CNTN5: variants seen among roughly 807,000 people sequenced by gnomAD.
CNTN5 encodes the protein contactin-5.
A neutral mutation model predicts 129.1 loss-of-function variants in CNTN5; 77 were observed. That is an observed-to-expected ratio of 0.60 (90% CI 0.50 to 0.72). The LOEUF is 0.72. Among genes scored for constraint, CNTN5 ranks in the 30% least tolerant of loss-of-function variants. CNTN5 has a pLI of 0.00. For missense variants in CNTN5, 1,478 were observed against 1,328.8 expected (o/e 1.11, Z -1.75); for synonymous variants, 509 against 465.6 (o/e 1.09, Z -1.20).
intron 18 of CNTN5, among the ~76,000 whole-genome samples, chr11:100,295,687 T>C (rs959258332): frequency 6.6e-6 from 1 of 151,366 alleles, no homozygotes; most frequent in Non-Finnish European, 1.5e-5. Flanking sequence ...CCTTTTTTTT[T>C]AGATGATGTT....
chr11:99,839,175 G>T (rs527357345), intron 4 of CNTN5, among the ~76,000 whole-genome samples: 2 of 152,234 alleles, frequency 1.3e-5, no homozygotes, highest in Admixed American at 1.3e-4. Context: ...AGGAAAAAAG[G>T]CTTGAAAATA....
chr11:99,723,022 C>G (rs1372254626), intron 3 of CNTN5, among the ~76,000 whole-genome samples: 1 of 152,020 alleles, frequency 6.6e-6, no homozygotes, highest in Non-Finnish European at 1.5e-5. Context: ...CTCATGCACT[C>G]TAGTGTTTCA....
chr11:99,473,624 A>G (rs1431361353), intron 2 of CNTN5, among the ~76,000 whole-genome samples: 1 of 151,778 alleles, frequency 6.6e-6, no homozygotes, highest in Non-Finnish European at 1.5e-5. Context: ...TGTGTCCAAC[A>G]CTTTAAATTT....
intron 2 of CNTN5, among the ~76,000 whole-genome samples, chr11:99,551,039 T>C (rs1285998247): frequency 6.6e-6 from 1 of 152,114 alleles, no homozygotes; most frequent in African/African-American, 2.4e-5. Context: ...ATAAAAATAA[T>C]GAAAGCCTCC....
At chr11:99,963,706 T>A (rs1951014992) in intron 8 of CNTN5, among the ~76,000 whole-genome samples, 1 of 152,198 alleles carries the variant, frequency 6.6e-6, no homozygotes, top group Non-Finnish European at 1.5e-5. Context: ...AAGTAATTAG[T>A]AGCTTGATGG....
chr11:100,277,791 T>C (rs1016856463), intron 18 of CNTN5, among the ~76,000 whole-genome samples: 2 of 152,134 alleles, frequency 1.3e-5, no homozygotes, highest in Non-Finnish European at 2.9e-5. Context: ...GTTTACTGTT[T>C]CCTTTGCTGT....
intron 3 of CNTN5, among the ~76,000 whole-genome samples, chr11:99,748,053 C>G (rs1944113194): frequency 6.6e-6 from 1 of 152,106 alleles, no homozygotes; most frequent in African/African-American, 2.4e-5. Flanking sequence ...CATCCCAGGT[C>G]TAAATCCCAT....
intron 1 of CNTN5, among the ~76,000 whole-genome samples, chr11:99,030,249 T>G (rs1863304500): frequency 6.6e-6 from 1 of 152,196 alleles, no homozygotes; most frequent in South Asian, 2.1e-4. Flanking sequence ...ATTACTTCCT[T>G]CATATCTTTA....
At chr11:99,497,205 T>C (rs1946258662) in intron 2 of CNTN5, among the ~76,000 whole-genome samples, 1 of 152,192 alleles carries the variant, frequency 6.6e-6, no homozygotes, top group African/African-American at 2.4e-5. Context: ...GGGAAAAATA[T>C]TAACTTAATG....
intron 18 of CNTN5, among the ~76,000 whole-genome samples, chr11:100,294,241 T>C (rs1951057816): frequency 6.6e-6 from 1 of 151,818 alleles, no homozygotes; most frequent in Non-Finnish European, 1.5e-5. Flanking sequence ...TAAACGCTAA[T>C]TAAAGCATAT....
intron 8 of CNTN5, among the ~76,000 whole-genome samples, chr11:99,999,186 C>A (rs1021066909): frequency 1.3e-5 from 2 of 151,994 alleles, no homozygotes; most frequent in Non-Finnish European, 2.9e-5. Context: ...AGCTTCTGCA[C>A]AGCAAAAGAA....
chr11:99,403,178 T>A (rs947905935), intron 2 of CNTN5, among the ~76,000 whole-genome samples: 3 of 151,994 alleles, frequency 2.0e-5, no homozygotes, highest in Non-Finnish European at 4.4e-5. Context: ...GGCTAATTTT[T>A]TGTAGTAGAG....
chr11:99,038,678 T>C (rs1439289284), intron 1 of CNTN5, among the ~76,000 whole-genome samples: 1 of 152,050 alleles, frequency 6.6e-6, no homozygotes, highest in Non-Finnish European at 1.5e-5. Flanking sequence ...ACAAATACTT[T>C]TCATTTTTTA....
intron 1 of CNTN5, among the ~76,000 whole-genome samples, chr11:99,301,989 G>A (rs1388519651): frequency 6.6e-6 from 1 of 151,392 alleles, no homozygotes; most frequent in African/African-American, 2.4e-5. Flanking sequence ...GTGGGCCAAA[G>A]ACAAAAAGCT....
chr11:99,212,482 C>T (rs936309623), intron 1 of CNTN5, among the ~76,000 whole-genome samples: 11 of 152,104 alleles, frequency 7.2e-5, no homozygotes, highest in Admixed American at 1.3e-4. Context: ...GAGCATCATG[C>T]GGTTCTTCTG....
chr11:100,016,047 G>A (rs1194639246), intron 9 of CNTN5, among the ~76,000 whole-genome samples: 1 of 151,980 alleles, frequency 6.6e-6, no homozygotes, highest in Non-Finnish European at 1.5e-5. Flanking sequence ...TGTAATATGA[G>A]AAAACTTTCT....
chr11:99,881,173 G>T (rs1948761855), intron 6 of CNTN5, among the ~76,000 whole-genome samples: 1 of 152,118 alleles, frequency 6.6e-6, no homozygotes, highest in South Asian at 2.1e-4. Flanking sequence ...ATTTTTTTCT[G>T]TGCTGCAGGC....
intron 20 of CNTN5, among the ~76,000 whole-genome samples, chr11:100,300,234 T>G (rs750213799): frequency 4.0e-5 from 6 of 151,484 alleles, no homozygotes; most frequent in Non-Finnish European, 8.9e-5. Flanking sequence ...TTTCAAGTTT[T>G]AATATAAAAA....
chr11:100,065,293 T>C (rs1229160646), intron 10 of CNTN5, among the ~76,000 whole-genome samples: 1 of 152,128 alleles, frequency 6.6e-6, no homozygotes, highest in African/African-American at 2.4e-5. Flanking sequence ...CTACTTTTTT[T>C]TTCATCCAGC....
Sources: allele counts gnomAD v4.1 joint callset (sites outside exome capture counted in the v4.1 genomes callset), GRCh38; gene constraint gnomAD v4.1.1; transcripts MANE v1.5; gene names NCBI Gene and HGNC (gene_info 2026-07-23, HGNC 2026-07-21).